The following WDR43 variants were observed in gnomAD, a reference collection of about 807,000 sequenced individuals.
WDR43 encodes the protein WD repeat-containing protein 43.
In WDR43, 13 loss-of-function variants were observed where a neutral mutation model predicts 91.4. That is an observed-to-expected ratio of 0.14 (90% confidence interval 0.09 to 0.23). The LOEUF (loss-of-function observed/expected upper bound fraction) is 0.23, where lower values mean the gene tolerates loss of function less well. Ranked by LOEUF, WDR43 falls within the 10% of genes least tolerant of loss-of-function variation. WDR43 has a pLI of 1.00. For synonymous variants in WDR43, 331 were observed against 287.9 expected (o/e 1.15, Z -1.51); for missense variants, 780 against 809.4 (o/e 0.96, Z 0.44).
At chr2:28,900,411 T>A (rs1670557100) in intron 1 of WDR43, among the ~76,000 whole-genome samples, 2 of 152,184 alleles carry the variant, frequency 1.3e-5, no homozygotes, top group Non-Finnish European at 2.9e-5. Flanking sequence ...CTTGAACTCC[T>A]GACCTCGTGA....
intron 16 of WDR43, among the ~76,000 whole-genome samples, chr2:28,943,664 T>C (rs1269368693): frequency 6.6e-6 from 1 of 152,170 alleles, no homozygotes; most frequent in East Asian, 1.9e-4. Flanking sequence ...CTGTGGACTC[T>C]TGGTGTGTTT....
At chr2:28,931,617 G>C (rs1671245855) in intron 11 of WDR43, among the ~76,000 whole-genome samples, 1 of 151,362 alleles carries the variant, frequency 6.6e-6, no homozygotes, top group Non-Finnish European at 1.5e-5. Context: ...ATCTAGTTCT[G>C]GTTAGATCTA....
chr2:28,941,697 C>G (rs1248887939), intron 15 of WDR43, 123 bp downstream of exon 15: 3 of 707,016 alleles, frequency 4.2e-6, no homozygotes, highest in Non-Finnish European at 4.7e-6. Context: ...GTAGCATGAT[C>G]ATAGCTCACT....
At chr2:28,932,195 C>T (rs946061353) in intron 11 of WDR43, among the ~76,000 whole-genome samples, 3 of 152,044 alleles carry the variant, frequency 2.0e-5, no homozygotes, top group East Asian at 1.9e-4. Flanking sequence ...ATTGATTGAT[C>T]GATTGTCGCC....
chr2:28,913,614 A>G, intron 4 of WDR43: 1 of 517,334 alleles, frequency 1.9e-6, no homozygotes, highest in Non-Finnish European at 3.9e-6. Context: ...ATTTAGTATT[A>G]TATTTTTGGA....
At chr2:28,925,190 A>T (rs1285794443) in intron 8 of WDR43, 37 bp downstream of exon 8, 1 of 1,553,552 alleles carries the variant, frequency 6.4e-7, no homozygotes, top group Non-Finnish European at 8.7e-7. Flanking sequence ...GCAATATAGC[A>T]TCCCTGTGTC....
intron 2 of WDR43, 64 bp downstream of exon 2, chr2:28,902,188 A>G (rs536158294): frequency 1.6e-6 from 2 of 1,257,888 alleles, no homozygotes; most frequent in Non-Finnish European, 1.1e-6. Flanking sequence ...AGAGATTATT[A>G]AAAAAAAAAC....
At chr2:28,939,588 G>A (rs1671396810) in intron 14 of WDR43, among the ~76,000 whole-genome samples, 9 of 152,152 alleles carry the variant, frequency 5.9e-5, no homozygotes, top group Admixed American at 5.9e-4. Flanking sequence ...CAAGGGCTAT[G>A]CCAGGCATGG....
At chr2:28,918,320 AGGTG>A (rs1286309740) in intron 6 of WDR43, among the ~76,000 whole-genome samples, 1 of 83,350 alleles carries the variant, frequency 1.2e-5, no homozygotes, top group Non-Finnish European at 2.5e-5. Flanking sequence ...CTCCTAACTA[AGGTG>A]TGTGTGTGTG....
At chr2:28,938,033 T>G (rs569600050) in intron 14 of WDR43, 39 bp downstream of exon 14, 67 of 1,605,912 alleles carry the variant, frequency 4.2e-5, no homozygotes, top group East Asian at 3.3e-4. Context: ...TATGAATAGT[T>G]TGGCTTTGAT....
chr2:28,923,584 AC>A (rs1446243982), intron 7 of WDR43, among the ~76,000 whole-genome samples: 1 of 152,126 alleles, frequency 6.6e-6, no homozygotes, highest in Non-Finnish European at 1.5e-5. Flanking sequence ...GTCAGTTGGC[AC>A]CCTTCTTTTA....
At chr2:28,930,081 C>T (rs1251256274) in intron 11 of WDR43, 1 of 472,674 alleles carries the variant, frequency 2.1e-6, no homozygotes, top group Admixed American at 2.4e-5. Context: ...TGAGTTTTTA[C>T]TCTGGATTCC....
intron 11 of WDR43, among the ~76,000 whole-genome samples, chr2:28,931,022 A>G (rs1012813537): frequency 6.6e-6 from 1 of 152,082 alleles, no homozygotes; most frequent in Non-Finnish European, 1.5e-5. Flanking sequence ...AAAATTATCA[A>G]ATATCATTAG....
chr2:28,915,572 A>G (rs959053026), intron 5 of WDR43, among the ~76,000 whole-genome samples: 1 of 152,244 alleles, frequency 6.6e-6, no homozygotes, highest in South Asian at 2.1e-4. Flanking sequence ...TAAAGGAAGT[A>G]AACTTAAAAT....
chr2:28,913,683 A>G, intron 4 of WDR43: 2 of 522,992 alleles, frequency 3.8e-6, no homozygotes, highest in South Asian at 2.8e-5. Context: ...TGATGCCTTA[A>G]TATTGTGGTT....
At position 28,914,056 on chromosome 2, in the gene WDR43, T is replaced by C; in HGVS notation, c.607-13T>C. On this transcript the variant is annotated splice_polypyrimidine_tract_variant and intron_variant, in intron 4 of 17. Coordinates refer to ENST00000407426, the MANE Select transcript of WDR43 (RefSeq NM_015131.3). ...TGAATCTGCTCTCCTAACTGAGATTTAACTTTCTCTAGCATTTCACAGGAC... is the reference window on the plus strand; with the variant it reads ...TGAATCTGCTCTCCTAACTGAGATTCAACTTTCTCTAGCATTTCACAGGAC... 1 of 1,611,118 alleles carries C rather than the reference T, an allele frequency of 6.2e-7. No individual in the cohort carries two copies. The highest frequency in any genetic ancestry group is 1.1e-5 in the South Asian group (1 of 90,800).
intron 3 of WDR43, among the ~76,000 whole-genome samples, chr2:28,910,403 A>C (rs1187879237): frequency 6.6e-6 from 1 of 152,176 alleles, no homozygotes; most frequent in African/African-American, 2.4e-5. Flanking sequence ...AGAAGCTGGT[A>C]AGGGTAAAGG....
chr2:28,919,448 C>T (rs1462203342), intron 6 of WDR43, among the ~76,000 whole-genome samples: 1 of 152,058 alleles, frequency 6.6e-6, no homozygotes, highest in Non-Finnish European at 1.5e-5. Context: ...GCAGGTGGAT[C>T]ATGAGGTCAG....
chr2:28,934,018 A>G (rs538803108), intron 11 of WDR43, among the ~76,000 whole-genome samples: 3 of 152,338 alleles, frequency 2.0e-5, no homozygotes, highest in South Asian at 4.1e-4. Flanking sequence ...CGTTCATACA[A>G]AGACTTCCTC....
Sources: allele counts gnomAD v4.1 joint callset (sites outside exome capture counted in the v4.1 genomes callset), GRCh38; gene constraint gnomAD v4.1.1; transcripts MANE v1.5; gene names NCBI Gene and HGNC (gene_info 2026-07-23, HGNC 2026-07-21).